Variants in SLC4A5 observed in about 807,000 individuals in gnomAD.
SLC4A5 encodes electrogenic sodium bicarbonate cotransporter 4.
SLC4A5 carries 96 observed loss-of-function variants against 120.4 expected under a neutral mutation model. The observed-to-expected ratio is 0.80, with a 90% CI of 0.68 to 0.94. The LOEUF (loss-of-function observed/expected upper bound fraction) is 0.94, where lower values mean the gene tolerates loss of function less well. Among genes scored for constraint, SLC4A5 ranks in the 40% least tolerant of loss-of-function variants. SLC4A5 has a pLI of 0.00. For synonymous variants in SLC4A5, 550 were observed against 571.1 expected, an observed-to-expected ratio of 0.96 and a Z score of 0.53; for missense variants, 1,259 against 1,459.5, an observed-to-expected ratio of 0.86 and a Z score of 2.24.
At chr2:74,292,991 A>G (rs922112779) in intron 7 of SLC4A5, among the ~76,000 whole-genome samples, 1 of 151,506 alleles carries the variant, frequency 6.6e-6, no homozygotes, top group African/African-American at 2.4e-5. Flanking sequence ...TGACTGCCTG[A>G]CACTCGGGAG....
At chr2:74,256,671 C>A (rs546367041) in intron 12 of SLC4A5, among the ~76,000 whole-genome samples, 2 of 151,914 alleles carry the variant, frequency 1.3e-5, no homozygotes, top group East Asian at 3.9e-4. Flanking sequence ...TATTCCCACT[C>A]TCTGCGTTTA....
intron 13 of SLC4A5, 25 bp from the exon 14 acceptor site, chr2:74,254,731 C>A: frequency 6.6e-7 from 1 of 1,525,484 alleles, no homozygotes; most frequent in South Asian, 1.1e-5. Context: ...GAGGAGGAGA[C>A]AGAGAAGATT....
intron 3 of SLC4A5, among the ~76,000 whole-genome samples, chr2:74,337,411 C>T (rs1673518950): frequency 6.6e-6 from 1 of 151,980 alleles, no homozygotes; most frequent in Non-Finnish European, 1.5e-5. Flanking sequence ...CTCCACCCCA[C>T]CCCAAACCCA....
intron 8 of SLC4A5, among the ~76,000 whole-genome samples, chr2:74,269,610 GT>G (rs199984016): frequency 2.0e-4 from 30 of 148,746 alleles, no homozygotes; most frequent in African/African-American, 5.2e-4. Flanking sequence ...GCCTTTTATT[GT>G]TTTTTTTTTC....
intron 7 of SLC4A5, among the ~76,000 whole-genome samples, chr2:74,291,243 T>C (rs1427778157): frequency 3.9e-5 from 6 of 152,228 alleles, no homozygotes; most frequent in African/African-American, 1.2e-4. Context: ...CACTTCAGAG[T>C]GTGAGGTAAA....
At chr2:74,304,450 C>T (rs1371033582) in intron 7 of SLC4A5, 39 bp downstream of exon 7, 39 of 1,566,420 alleles carry the variant, frequency 2.5e-5, no homozygotes, top group Non-Finnish European at 3.4e-5. Context: ...GACACACCAG[C>T]AGGATGGCTC....
intron 26 of SLC4A5, 118 bp downstream of exon 26, chr2:74,227,692 C>A: frequency 8.4e-7 from 1 of 1,189,172 alleles, no homozygotes; most frequent in Non-Finnish European, 1.2e-6. Flanking sequence ...ATTATTCTTT[C>A]ATTGAATTAG....
intron 6 of SLC4A5, among the ~76,000 whole-genome samples, chr2:74,308,939 G>A (rs1466387694): frequency 6.6e-6 from 1 of 150,620 alleles, no homozygotes; most frequent in Non-Finnish European, 1.5e-5. Context: ...TTTTGAGACA[G>A]AGTCTTACTC....
chr2:74,218,976 C>T (rs766739705), intron 30 of SLC4A5, among the ~76,000 whole-genome samples, 184 bp from the exon 31 acceptor site: 21 of 152,212 alleles, frequency 1.4e-4, no homozygotes, highest in Non-Finnish European at 2.4e-4. Context: ...ACCCTGTAAA[C>T]CTATCTTCAC....
At chr2:74,294,130 G>C (rs1342592108) in intron 7 of SLC4A5, among the ~76,000 whole-genome samples, 1 of 152,164 alleles carries the variant, frequency 6.6e-6, no homozygotes, top group African/African-American at 2.4e-5. Flanking sequence ...GCTGGAGAAG[G>C]CCTAAGTATG....
chr2:74,313,255 C>T (rs1255783035), intron 6 of SLC4A5, among the ~76,000 whole-genome samples: 1 of 152,006 alleles, frequency 6.6e-6, no homozygotes, highest in Admixed American at 6.6e-5. Flanking sequence ...TAAATTATAT[C>T]CCTTAAAAAA....
intron 13 of SLC4A5, 28 bp from the exon 14 acceptor site, chr2:74,254,734 AGAAGATTAAG>A (rs1670905791): frequency 6.6e-7 from 1 of 1,511,498 alleles, no homozygotes; most frequent in South Asian, 1.1e-5. Context: ...GAGGAGACAG[AGAAGATTAAG>A]GAAGAGGAGC....
At chr2:74,221,156 T>G (rs984792016) in intron 30 of SLC4A5, among the ~76,000 whole-genome samples, 1 of 152,224 alleles carries the variant, frequency 6.6e-6, no homozygotes, top group Non-Finnish European at 1.5e-5. Flanking sequence ...ACGTTTACTT[T>G]CAATTTTTGT....
At chr2:74,299,115 C>T (rs1672406789) in intron 7 of SLC4A5, among the ~76,000 whole-genome samples, 3 of 151,292 alleles carry the variant, frequency 2.0e-5, no homozygotes, top group Admixed American at 2.0e-4. Context: ...CTTTGGGAGG[C>T]CGAGGAAGGC....
rs1671069436 is a variant in SLC4A5 at position 74,259,495 on chromosome 2, G to A, written c.867+93C>T. 3 of 1,378,370 alleles carry A rather than the reference G, an allele frequency of 2.2e-6. No homozygotes were observed. In the South Asian group the frequency reaches 3.5e-5, roughly 16 times the overall value. The allele number at this position is 1,378,370 out of a possible 1,614,324, so 85.4% of individuals were successfully genotyped here. ...GGAACTCCCACTCCTTTGTAGGAGT[G>A]GAACTCTGCCCATAGGGGATCCCTG... On this transcript the variant is annotated intron_variant, in intron 12 of 30. Coordinates refer to ENST00000394019, the Ensembl canonical transcript of SLC4A5.
In SLC4A5 at chr2:74,255,913, T is replaced by C; in HGVS notation, c.887A>G (p.Lys296Arg). The C allele has an allele frequency of 6.2e-7, 1 of 1,613,762 alleles. No homozygotes were observed. The highest frequency in any genetic ancestry group is 8.5e-7 in the Non-Finnish European group (1 of 1,179,676). The change falls in exon 13 of 31, where the codon AAG (lysine) becomes AGG (arginine). Residue 296 changes from lysine to arginine, a missense_variant. Transcript: ENST00000394019. The surrounding 1 kb of genome is among the most constrained non-coding windows in gnomAD (Gnocchi z 4.0). ...CGCTTCTGAGTCCTTGGGGATCTTC[T>C]TCATGAATTTGTTTTTCCGCTGGAC...
chr2:74,287,518 C>A (rs1672020775), intron 7 of SLC4A5, among the ~76,000 whole-genome samples: 1 of 152,112 alleles, frequency 6.6e-6, no homozygotes, highest in Admixed American at 6.5e-5. Context: ...AGCTGCTTAG[C>A]CCCTCACCAC....
At position 74,255,300 on chromosome 2, in the gene SLC4A5, AT is replaced by A. The variant is rs1437888105; in HGVS notation, c.1025+474del. Reference sequence around the variant, plus strand: ...TTCTCTTTTATTATTTATTATTTTTATTTTTTTTCTGAGACGCAGTCTTGCT... The same window carrying A: ...TTCTCTTTTATTATTTATTATTTTTATTTTTTTCTGAGACGCAGTCTTGCT... On this transcript the variant is annotated intron_variant, in intron 13 of 30. Coordinates refer to ENST00000394019, the Ensembl canonical transcript of SLC4A5. This position sits in a 1 kb window ranked among gnomAD's most constrained non-coding sequence, Gnocchi z 4.0. 6.7e-6 allele frequency among the ~76,000 whole-genome samples: 1 copy of A among 149,920 alleles called. No homozygotes were observed. Among genetic ancestry groups the A allele is most frequent in the African/African-American group, 2.5e-5 (1 of 40,642 alleles).
chr2:74,248,935 C>T (rs1670704965), intron 17 of SLC4A5, among the ~76,000 whole-genome samples: 1 of 152,192 alleles, frequency 6.6e-6, no homozygotes, highest in African/African-American at 2.4e-5. Flanking sequence ...AACAAGATAA[C>T]ATATCTTCAT....
Sources: allele counts gnomAD v4.1 joint callset (sites outside exome capture counted in the v4.1 genomes callset), GRCh38; gene constraint gnomAD v4.1.1; non-coding constraint Gnocchi (gnomAD v3.1); transcripts MANE v1.5; gene names NCBI Gene and HGNC (gene_info 2026-07-23, HGNC 2026-07-21).